The following SORBS2 variants were observed in gnomAD, a reference collection of about 807,000 sequenced individuals.
SORBS2 encodes sorbin and SH3 domain-containing protein 2.
SORBS2 carries 46 observed loss-of-function variants against 97.7 expected under a neutral mutation model. The observed-to-expected ratio is 0.47, with a 90% CI of 0.37 to 0.60. SORBS2 has a LOEUF of 0.60. Ranked by LOEUF, SORBS2 falls within the 20% of genes least tolerant of loss-of-function variation. The probability of loss-of-function intolerance (pLI) is 0.00; values close to 1 mark genes in which losing one functional copy is unlikely to be tolerated. For synonymous variants in SORBS2, 476 were observed against 473.4 expected, an observed-to-expected ratio of 1.01 and a Z score of -0.07; for missense variants, 1,316 against 1,282.3, an observed-to-expected ratio of 1.03 and a Z score of -0.40.
At chr4:185,952,047 A>ATAGAGTGT (rs1444044778) in intron 1 of SORBS2, among the ~76,000 whole-genome samples, 1 of 140,342 alleles carries the variant, frequency 7.1e-6, no homozygotes, top group African/African-American at 2.6e-5. Context: ...TTTTTTTTTG[A>ATAGAGTGT]TAGAGTCTCA....
chr4:185,741,803 GC>G (rs1448358883), intron 2 of SORBS2, among the ~76,000 whole-genome samples: 1 of 152,164 alleles, frequency 6.6e-6, no homozygotes, highest in Non-Finnish European at 1.5e-5. Context: ...GACATACCCA[GC>G]CAGAAATCAT....
chr4:185,903,023 A>G (rs939340400), intron 1 of SORBS2, among the ~76,000 whole-genome samples: 3 of 152,224 alleles, frequency 2.0e-5, no homozygotes, highest in Non-Finnish European at 2.9e-5. Context: ...AAAAGCACTG[A>G]TTCCATGGGG....
Position 185,756,989 on chromosome 4 carries a change from G to C in SORBS2, c.-198+18238C>G, listed in dbSNP as rs367779449. On this transcript the variant is annotated intron_variant, in intron 2 of 20. Coordinates refer to the SORBS2 transcript ENST00000284776. ...ATTCACCCGCTCGCTCCTGGAGGAC[G>C]TTAACCAATTCTGCTATCACAAAGA... 86 of 1,373,714 alleles carry C rather than the reference G, an allele frequency of 6.3e-5. 1 individual carries two copies. The African/African-American group carries it at 1.1e-3, about 17-fold the overall frequency. The allele number at this position is 1,373,714 out of a possible 1,614,324, so 85.1% of individuals were successfully genotyped here. A position where few individuals can be genotyped will look rare whatever the true frequency, so the allele number is the denominator to read the frequency against.
chr4:185,623,581 G>A lies in SORBS2; in HGVS notation c.1548C>T (p.His516=), dbSNP rs768762280. The A allele has an allele frequency of 4.1e-5, 66 of 1,613,996 alleles. No homozygotes were observed. The Admixed American group carries it at 1.1e-3, about 26-fold the overall frequency. The change falls in exon 7 of 15, where the codon CAC becomes CAT. Residue 516 remains histidine (H), a synonymous_variant. Coordinates refer to ENST00000418609, the Ensembl canonical transcript of SORBS2. This position sits in a 1 kb window ranked among gnomAD's most constrained non-coding sequence, Gnocchi z 6.4. ...CACTGCAGAAGGATGACCCCTCTAGGTGAATGTAGTCACTGTGGTCGGACA... is the reference window on the plus strand; with the variant it reads ...CACTGCAGAAGGATGACCCCTCTAGATGAATGTAGTCACTGTGGTCGGACA...
In SORBS2 at chr4:185,684,933, C is replaced by T; in HGVS notation, c.-197-6111G>A. 1.0e-6 allele frequency: 1 copy of T among 980,742 alleles called. No individual in the cohort carries two copies. Among genetic ancestry groups the T allele is most frequent in the Non-Finnish European group, 1.6e-6 (1 of 639,068 alleles). The allele number at this position is 980,742 out of a possible 1,614,324, so 60.8% of individuals were successfully genotyped here. On this transcript the variant is annotated intron_variant, in intron 2 of 20. Coordinates refer to the SORBS2 transcript ENST00000284776. This position sits in a 1 kb window ranked among gnomAD's most constrained non-coding sequence, Gnocchi z 4.2. Reference sequence around the variant, plus strand: ...TGCGTTTTAAGAGAAATGTGCCAGACATCCATGAGAAAGATGAACAGTTAG... The same window carrying T: ...TGCGTTTTAAGAGAAATGTGCCAGATATCCATGAGAAAGATGAACAGTTAG...
Position 185,836,263 on chromosome 4 carries a change from T to C in SORBS2, c.-337-60897A>G, listed in dbSNP as rs1436229160. ...GAGCATCATACTGACCTGCTGAGGC[T>C]AACTGAAAGCTTTCCCTGTCACACT... On this transcript the variant is annotated intron_variant, in intron 1 of 20. Coordinates refer to the SORBS2 transcript ENST00000284776. 2.0e-5 allele frequency among the ~76,000 whole-genome samples: 3 copies of C among 152,296 alleles called. No homozygotes were observed. In the East Asian group the frequency reaches 5.8e-4, roughly 29 times the overall value.
intron 1 of SORBS2, among the ~76,000 whole-genome samples, chr4:185,850,823 T>C (rs2099217442): frequency 1.3e-5 from 2 of 152,184 alleles, no homozygotes; most frequent in Non-Finnish European, 2.9e-5. Context: ...TTTGAATTGA[T>C]AGACTTGAAT....
chr4:185,809,455 C>CCA (rs779906427), intron 1 of SORBS2, among the ~76,000 whole-genome samples: 1 of 47,296 alleles, frequency 2.1e-5, no homozygotes, highest in Non-Finnish European at 3.5e-5. Context: ...ACTGCATTTG[C>CCA]AAAAAAAAAA....
At chr4:185,641,140 A>C (rs201407745) in intron 4 of SORBS2, among the ~76,000 whole-genome samples, 1 of 71,172 alleles carries the variant, frequency 1.4e-5, no homozygotes. Flanking sequence ...TCTATGATAG[A>C]ATATGGAAAA....
intron 1 of SORBS2, among the ~76,000 whole-genome samples, chr4:185,856,984 C>T (rs1055286399): frequency 6.6e-6 from 1 of 152,130 alleles, no homozygotes; most frequent in Non-Finnish European, 1.5e-5. Flanking sequence ...ATCTAATCAC[C>T]TCCCACCAAG....
At chr4:185,752,527 C>T (rs546531131) in intron 2 of SORBS2, among the ~76,000 whole-genome samples, 16 of 152,290 alleles carry the variant, frequency 1.1e-4, no homozygotes, top group Non-Finnish European at 5.9e-5. Context: ...CTGCCCGCCT[C>T]GGCCTCCCAA....
chr4:185,784,201 A>T (rs1033493074), intron 1 of SORBS2, among the ~76,000 whole-genome samples: 1 of 152,046 alleles, frequency 6.6e-6, no homozygotes, highest in Non-Finnish European at 1.5e-5. Flanking sequence ...ACGGGATCTC[A>T]GCTCACTGCA....
chr4:185,902,752 A>G (rs1311936323), intron 1 of SORBS2, among the ~76,000 whole-genome samples: 5 of 151,516 alleles, frequency 3.3e-5, no homozygotes, highest in African/African-American at 1.2e-4. Context: ...TGCTTTCTGG[A>G]TCTTGCTAAA....
intron 12 of SORBS2, among the ~76,000 whole-genome samples, chr4:185,611,513 T>C (rs545259525): frequency 1.3e-5 from 2 of 152,268 alleles, no homozygotes; most frequent in East Asian, 1.9e-4. Context: ...CGAGACTTCA[T>C]GATACTCTCG....
At chr4:185,677,150 A>T in intron 4 of SORBS2, 1 of 1,551,704 alleles carries the variant, frequency 6.4e-7, no homozygotes. Context: ...GAATGGAAAG[A>T]GATGCTGTGT....
intron 4 of SORBS2, among the ~76,000 whole-genome samples, chr4:185,638,445 C>T (rs2097062385): frequency 6.6e-6 from 1 of 152,190 alleles, no homozygotes; most frequent in Non-Finnish European, 1.5e-5. Flanking sequence ...TCCACTTACG[C>T]TTGAGGCATG....
intron 1 of SORBS2, among the ~76,000 whole-genome samples, chr4:185,843,117 G>C (rs1369600998): frequency 6.6e-6 from 1 of 151,982 alleles, no homozygotes; most frequent in African/African-American, 2.4e-5. Context: ...AAAGAACAGA[G>C]CACTGAGTTA....
intron 4 of SORBS2, among the ~76,000 whole-genome samples, chr4:185,674,780 C>G (rs528631169): frequency 2.0e-4 from 31 of 152,286 alleles, no homozygotes; most frequent in African/African-American, 7.5e-4. Flanking sequence ...AAGACATTCC[C>G]TCTGCCTAGA....
At position 185,912,205 on chromosome 4, in the gene SORBS2, C is replaced by T. The variant is rs376964415; in HGVS notation, c.-338+43991G>A. 1.4e-4 allele frequency among the ~76,000 whole-genome samples: 22 copies of T among 152,082 alleles called. No individual in the cohort carries two copies. The East Asian group carries it at 2.1e-3, about 15-fold the overall frequency. Reference sequence around the variant, plus strand: ...TTTCTCAGTGGTGTGTAGCTAGCCTCGTACAGGTGACAAAATATAGGTAAT... The same window carrying T: ...TTTCTCAGTGGTGTGTAGCTAGCCTTGTACAGGTGACAAAATATAGGTAAT... On this transcript the variant is annotated intron_variant, in intron 1 of 20. Transcript: ENST00000284776.
Sources: gnomAD v4.1 joint callset for allele counts (sites outside exome capture counted in the v4.1 genomes callset) on GRCh38, gnomAD v4.1.1 for gene constraint, Gnocchi (gnomAD v3.1) non-coding constraint, MANE v1.5 for transcripts, NCBI Gene and HGNC (gene_info 2026-07-23, HGNC 2026-07-21) for gene names.